FRMPD1: variants seen among roughly 807,000 people sequenced by gnomAD.
FRMPD1 encodes the protein FERM and PDZ domain containing 1, also known as FERM and PDZ domain-containing protein 1.
Under a neutral mutation model 117.8 loss-of-function variants are expected in FRMPD1, and 76 were observed. The observed-to-expected ratio is 0.65, with a 90% CI of 0.54 to 0.78. The LOEUF (loss-of-function observed/expected upper bound fraction) is 0.78, where lower values mean the gene tolerates loss of function less well. Among genes scored for constraint, FRMPD1 ranks in the 30% least tolerant of loss-of-function variants. FRMPD1 has a pLI of 0.00. For synonymous variants in FRMPD1, 783 were observed against 770.4 expected (o/e 1.02, Z -0.27); for missense variants, 1,786 against 1,964.5 (o/e 0.91, Z 1.72).
At chr9:37,715,539 T>C in intron 5 of FRMPD1, 1 of 427,684 alleles carries the variant, frequency 2.3e-6, no homozygotes, top group Non-Finnish European at 4.7e-6. Context: ...GCGAAAAACA[T>C]GCACAAAGAG....
chr9:37,741,156 G>T (rs1243878287), intron 15 of FRMPD1, among the ~76,000 whole-genome samples: 1 of 152,096 alleles, frequency 6.6e-6, no homozygotes, highest in Non-Finnish European at 1.5e-5. Context: ...GGGCAAATGG[G>T]CTGGGCCCTG....
At chr9:37,707,314 C>A in intron 2 of FRMPD1, 102 bp from the exon 3 acceptor site, 1 of 875,110 alleles carries the variant, frequency 1.1e-6, no homozygotes, top group Non-Finnish European at 1.8e-6. Context: ...TTGGTGTCTG[C>A]TCAGTTCTGC....
chr9:37,728,771 T>A (rs1332145502), intron 7 of FRMPD1, among the ~76,000 whole-genome samples: 1 of 151,986 alleles, frequency 6.6e-6, no homozygotes, highest in African/African-American at 2.4e-5. Flanking sequence ...GAGACCAGTA[T>A]GACCAACATG....
chr9:37,709,526 G>C (rs1822834948), intron 4 of FRMPD1, among the ~76,000 whole-genome samples: 1 of 151,946 alleles, frequency 6.6e-6, no homozygotes, highest in Admixed American at 6.6e-5. Context: ...CTGCACTCCA[G>C]CCTGGGTGAC....
chr9:37,672,783 A>T (rs1814349929), intron 1 of FRMPD1, among the ~76,000 whole-genome samples: 1 of 152,176 alleles, frequency 6.6e-6, no homozygotes, highest in African/African-American at 2.4e-5. Flanking sequence ...AACCAAGAGA[A>T]AATAAGGAGG....
chr9:37,623,839 G>C, the FRMPD1 span, among the ~76,000 whole-genome samples: 1 of 152,130 alleles, frequency 6.6e-6, no homozygotes, highest in Non-Finnish European at 1.5e-5. Context: ...GATTATGACA[G>C]ATAAGCACTG....
At position 37,692,724 on chromosome 9, in the gene FRMPD1, C is replaced by T; in HGVS notation, c.83C>T (p.Ser28Phe). 1 of 1,613,430 alleles carries T rather than the reference C, an allele frequency of 6.2e-7. No homozygotes were observed. ...EQMVARWLRR[S>F]RDSSARAKVA... ...ATGGTGGCAAGATGGCTTCGGCGCT[C>T]CCGGGACAGCTCGGCCCGGTAAGCC... The change falls in exon 2 of 16, where the codon TCC becomes TTC. Residue 28 changes from serine (S) to phenylalanine (F), a missense_variant. By Grantham distance (155) the Ser-to-Phe change is radical. Transcript: ENST00000377765.
chr9:37,729,876 T>G lies in FRMPD1; in HGVS notation c.738+23T>G, dbSNP rs756458241. The G allele has an allele frequency of 2.5e-6, 4 of 1,610,480 alleles. No homozygotes were observed. In the South Asian group the frequency reaches 4.4e-5, roughly 18 times the overall value. ...CAGGTAGGGAGGACTGACCGCCTGT[T>G]CCTGGGAGGCATGGGCTGGGCTGGC... On this transcript the variant is annotated intron_variant, in intron 8 of 15. Coordinates refer to ENST00000377765, the MANE Select transcript of FRMPD1 (RefSeq NM_014907.3).
At chr9:37,713,441 T>A (rs1050305576) in intron 5 of FRMPD1, among the ~76,000 whole-genome samples, 1 of 152,030 alleles carries the variant, frequency 6.6e-6, no homozygotes, top group Admixed American at 6.6e-5. Flanking sequence ...CAAAATCCCA[T>A]CTCTACAAAC....
At chr9:37,698,970 C>T (rs1822433815) in intron 2 of FRMPD1, among the ~76,000 whole-genome samples, 1 of 151,986 alleles carries the variant, frequency 6.6e-6, no homozygotes, top group African/African-American at 2.4e-5. Flanking sequence ...AACTCCCGAC[C>T]TCAGGTGATC....
At chr9:37,690,723 G>T (rs1001303025) in intron 1 of FRMPD1, among the ~76,000 whole-genome samples, 3 of 152,112 alleles carry the variant, frequency 2.0e-5, no homozygotes, top group Admixed American at 2.0e-4. Flanking sequence ...TCTGTTTTGT[G>T]TTGCTATATA....
rs1363789918 is a variant in FRMPD1 at position 37,740,976 on chromosome 9, C to G, written c.2356+92C>G. On this transcript the variant is annotated intron_variant, in intron 15 of 15. Coordinates refer to ENST00000377765, the MANE Select transcript of FRMPD1 (RefSeq NM_014907.3). The surrounding 1 kb of genome is among the most constrained non-coding windows in gnomAD (Gnocchi z 4.2). ...CCTGGGGCCAAGCTTGAGAGGAAGGCACATGAGTGAAACAGGGTCCCTGTA... is the reference window on the plus strand; with the variant it reads ...CCTGGGGCCAAGCTTGAGAGGAAGGGACATGAGTGAAACAGGGTCCCTGTA... 1.1e-6 allele frequency: 1 copy of G among 946,962 alleles called. No individual in the cohort carries two copies. Among genetic ancestry groups the G allele is most frequent in the Admixed American group, 1.9e-5 (1 of 53,278 alleles). The allele number at this position is 946,962 out of a possible 1,614,324, so 58.7% of individuals were successfully genotyped here. A position where few individuals can be genotyped will look rare whatever the true frequency, so the allele number is the denominator to read the frequency against.
At chr9:37,705,362 C>G (rs1486839350) in intron 2 of FRMPD1, among the ~76,000 whole-genome samples, 1 of 152,226 alleles carries the variant, frequency 6.6e-6, no homozygotes, top group South Asian at 2.1e-4. Context: ...TAGTCTCGCT[C>G]TGTCACCCAG....
intron 4 of FRMPD1, among the ~76,000 whole-genome samples, chr9:37,710,736 G>A (rs1257648835): frequency 6.6e-6 from 1 of 152,084 alleles, no homozygotes; most frequent in African/African-American, 2.4e-5. Flanking sequence ...GGAGGCCGAG[G>A]TGGGCAGATC....
At chr9:37,674,838 C>G (rs1821470515) in intron 1 of FRMPD1, among the ~76,000 whole-genome samples, 1 of 152,124 alleles carries the variant, frequency 6.6e-6, no homozygotes, top group Non-Finnish European at 1.5e-5. Flanking sequence ...CTCCCTGGGT[C>G]CCTCCCAGAA....
At chr9:37,713,479 C>T (rs1822986055) in intron 5 of FRMPD1, among the ~76,000 whole-genome samples, 1 of 151,730 alleles carries the variant, frequency 6.6e-6, no homozygotes, top group East Asian at 1.9e-4. Flanking sequence ...ATGATTATAG[C>T]TGGCAGGGGC....
rs769384537 is a variant in FRMPD1 at position 37,746,444 on chromosome 9, C to T, written c.4412C>T (p.Ser1471Leu). The change falls in exon 16 of 16, where the codon TCG becomes TTG. Residue 1471 changes from serine (S) to leucine (L), a missense_variant. Ser to Leu is a moderately radical substitution (Grantham distance 145, BLOSUM62 -2). Coordinates refer to ENST00000377765, the MANE Select transcript of FRMPD1 (RefSeq NM_014907.3). Reference sequence around the variant, plus strand: ...TGCATGGGCTCCCAGAAGCTCCTGTCGAGCTGTCGGCATGTGATCAGAATG... The same window carrying T: ...TGCATGGGCTCCCAGAAGCTCCTGTTGAGCTGTCGGCATGTGATCAGAATG... ...RLCMGSQKLLSSCRHVIRMDQ... is the reference protein window; with the variant it reads ...RLCMGSQKLLLSCRHVIRMDQ... 8.1e-6 allele frequency: 13 copies of T among 1,613,624 alleles called. No homozygotes were observed. The highest frequency in any genetic ancestry group is 2.2e-5 in the East Asian group (1 of 44,882).
At chr9:37,701,397 G>T (rs1401451084) in intron 2 of FRMPD1, among the ~76,000 whole-genome samples, 1 of 152,170 alleles carries the variant, frequency 6.6e-6, no homozygotes, top group African/African-American at 2.4e-5. Flanking sequence ...TTTTGTAGGA[G>T]ATATTTCCAC....
chr9:37,660,286 G>A (rs1365271287), intron 1 of FRMPD1, among the ~76,000 whole-genome samples: 1 of 152,154 alleles, frequency 6.6e-6, no homozygotes, highest in Non-Finnish European at 1.5e-5. Context: ...CCTAGCAAGG[G>A]CTGGCCATGC....
Sources: gnomAD v4.1 joint callset for allele counts (sites outside exome capture counted in the v4.1 genomes callset) on GRCh38, gnomAD v4.1.1 for gene constraint, Gnocchi (gnomAD v3.1) non-coding constraint, MANE v1.5 for transcripts, NCBI Gene and HGNC (gene_info 2026-07-23, HGNC 2026-07-21) for gene names.